FRMD4A: variants seen among roughly 807,000 people sequenced by gnomAD.
FRMD4A encodes the protein FERM domain-containing protein 4A.
FRMD4A carries 29 observed loss-of-function variants against 129.1 expected under a neutral mutation model. That is an observed-to-expected ratio of 0.22 (90% CI 0.17 to 0.31). The LOEUF is 0.31. Ranked by LOEUF, FRMD4A falls within the 10% of genes least tolerant of loss-of-function variation. The pLI is 1.00. For synonymous variants in FRMD4A, 634 were observed against 571.6 expected, an observed-to-expected ratio of 1.11 and a Z score of -1.56; for missense variants, 1,272 against 1,375.8, an observed-to-expected ratio of 0.92 and a Z score of 1.19.
intron 12 of FRMD4A, among the ~76,000 whole-genome samples, chr10:13,719,548 A>C (rs1023620244): frequency 6.6e-6 from 1 of 152,176 alleles, no homozygotes; most frequent in African/African-American, 2.4e-5. Context: ...AGTTGGGCAC[A>C]GCATGTTCTG....
At chr10:14,024,781 A>G (rs950304556) in intron 2 of FRMD4A, among the ~76,000 whole-genome samples, 3 of 152,252 alleles carry the variant, frequency 2.0e-5, no homozygotes, top group African/African-American at 7.2e-5. Context: ...GAAAGAGAGA[A>G]GTGAGATGGG....
rs549327599 is a variant in FRMD4A at position 13,908,589 on chromosome 10, G to A, written c.46-49677C>T. On this transcript the variant is annotated intron_variant, in intron 2 of 24. Transcript: ENST00000357447. ...CAAATATACCACAGGATGTGTCTAC[G>A]TTCTCCAGCTGAGAGACAAGTTACG... 3.2e-4 allele frequency among the ~76,000 whole-genome samples: 48 copies of A among 152,236 alleles called. No individual in the cohort carries two copies. The South Asian group carries it at 6.2e-3, about 20-fold the overall frequency.
At chr10:14,310,327 G>A (rs1475126653) in intron 2 of FRMD4A, among the ~76,000 whole-genome samples, 1 of 152,216 alleles carries the variant, frequency 6.6e-6, no homozygotes, top group Non-Finnish European at 1.5e-5. Context: ...GGCAACTAAT[G>A]ATACAGGAGC....
At chr10:13,698,509 T>C (rs2086456902) in intron 14 of FRMD4A, among the ~76,000 whole-genome samples, 1 of 152,236 alleles carries the variant, frequency 6.6e-6, no homozygotes, top group Admixed American at 6.5e-5. Flanking sequence ...GGTGTTGTAA[T>C]GTAATTCCCA....
intron 15 of FRMD4A, among the ~76,000 whole-genome samples, chr10:13,688,707 CTTTT>C (rs377624360): frequency 2.0e-5 from 3 of 151,986 alleles, no homozygotes; most frequent in African/African-American, 7.2e-5. Context: ...ATATTGACTT[CTTTT>C]TTATTTATTT....
At chr10:13,713,874 ATG>A (rs1554858566) in intron 12 of FRMD4A, among the ~76,000 whole-genome samples, 49 of 23,338 alleles carry the variant, frequency 2.1e-3, no homozygotes, top group East Asian at 5.2e-3. Flanking sequence ...ATATACATAT[ATG>A]TAATATATAT....
At chr10:13,980,608 T>C (rs1444864626) in intron 2 of FRMD4A, among the ~76,000 whole-genome samples, 1 of 152,064 alleles carries the variant, frequency 6.6e-6, no homozygotes, top group Non-Finnish European at 1.5e-5. Flanking sequence ...AAGTCCCAGC[T>C]ACTTGGGAAG....
chr10:14,284,169 G>T (rs866483763), intron 2 of FRMD4A, among the ~76,000 whole-genome samples: 1 of 152,134 alleles, frequency 6.6e-6, no homozygotes, highest in African/African-American at 2.4e-5. Flanking sequence ...CTGGTAAATA[G>T]CAGGAACTCA....
intron 2 of FRMD4A, among the ~76,000 whole-genome samples, chr10:14,208,755 G>C (rs761025336): frequency 6.6e-6 from 1 of 152,160 alleles, no homozygotes; most frequent in Non-Finnish European, 1.5e-5. Context: ...GAAAGGCACA[G>C]TTTGGGACTC....
chr10:14,130,008 C>T (rs1308893623), intron 2 of FRMD4A, among the ~76,000 whole-genome samples: 2 of 152,130 alleles, frequency 1.3e-5, no homozygotes, highest in Non-Finnish European at 2.9e-5. Flanking sequence ...CACTCCCTGC[C>T]TCCCAGGCTG....
intron 2 of FRMD4A, among the ~76,000 whole-genome samples, chr10:13,951,734 A>G (rs958932607): frequency 2.2e-4 from 33 of 151,992 alleles, no homozygotes; most frequent in African/African-American, 6.0e-4. Flanking sequence ...TACTAAAAAT[A>G]CAAAAATTAG....
chr10:13,884,580 G>A (rs2094596633), intron 2 of FRMD4A, among the ~76,000 whole-genome samples: 1 of 152,066 alleles, frequency 6.6e-6, no homozygotes, highest in South Asian at 2.1e-4. Flanking sequence ...TGGGTCAAAG[G>A]CAAAGTCATC....
Position 13,659,467 on chromosome 10 carries a change from G to A in FRMD4A, c.1922C>T (p.Thr641Ile), listed in dbSNP as rs550587670. The stretch of plus-strand genomic sequence containing the variant: ...TCCGCCGGCTTCCGCACAGCTTCCT[G>A]TGCTGGGGAAGCGCTTGTGGCTGCT... ...HSSSHKRFPS[T>I]GSCAEAGGGS... The change falls in exon 21 of 25, where the codon ACA becomes ATA. Residue 641 changes from threonine (T) to isoleucine (I), a missense_variant. Physicochemically the swap from Thr to Ile is moderately conservative, Grantham distance 89. Around this residue, in one of 2 missense-constraint regions of FRMD4A, gnomAD observed 972 missense variants for 892.3 expected, o/e 1.09. Coordinates refer to ENST00000357447, the MANE Select transcript of FRMD4A (RefSeq NM_018027.5). The A allele has an allele frequency of 1.9e-6, 3 of 1,613,342 alleles. No homozygotes were observed. Among genetic ancestry groups the A allele is most frequent in the East Asian group, 2.2e-5 (1 of 44,892 alleles).
intron 6 of FRMD4A, among the ~76,000 whole-genome samples, chr10:13,772,923 T>C (rs763518506): frequency 1.1e-4 from 16 of 152,164 alleles, no homozygotes; most frequent in Non-Finnish European, 1.9e-4. Context: ...AATGATTGAA[T>C]TGTACATTTT....
At chr10:13,655,504 A>C (rs1337770167) in intron 22 of FRMD4A, 1 of 152,084 alleles carries the variant, frequency 6.6e-6, no homozygotes, top group Non-Finnish European at 1.5e-5. Flanking sequence ...AACACCCACC[A>C]TTACCTGATC....
chr10:13,930,477 A>G, intron 2 of FRMD4A, among the ~76,000 whole-genome samples: 1 of 152,154 alleles, frequency 6.6e-6, no homozygotes, highest in Non-Finnish European at 1.5e-5. Context: ...AGCTCTGCAG[A>G]CCCATTGATG....
At chr10:14,165,333 A>G (rs1399322576) in intron 2 of FRMD4A, among the ~76,000 whole-genome samples, 1 of 152,214 alleles carries the variant, frequency 6.6e-6, no homozygotes, top group African/African-American at 2.4e-5. Flanking sequence ...ACCAATCAGA[A>G]TGGTTACAAC....
At chr10:13,840,193 G>A (rs973328882) in intron 3 of FRMD4A, among the ~76,000 whole-genome samples, 1 of 152,276 alleles carries the variant, frequency 6.6e-6, no homozygotes, top group South Asian at 2.1e-4. Context: ...TCTTTAGGAG[G>A]TAATTCAGGT....
chr10:14,066,791 AAAAG>A (rs1175529426), intron 2 of FRMD4A, among the ~76,000 whole-genome samples: 9 of 152,224 alleles, frequency 5.9e-5, no homozygotes, highest in African/African-American at 2.2e-4. Context: ...CGTATCAAAA[AAAAG>A]AAAGAGAAAT....
Sources: allele counts gnomAD v4.1 joint callset (sites outside exome capture counted in the v4.1 genomes callset), GRCh38; gene constraint gnomAD v4.1.1; regional missense constraint gnomAD v4.1.1; transcripts MANE v1.5; gene names NCBI Gene and HGNC (gene_info 2026-07-23, HGNC 2026-07-21).